The following ODF2 variants were observed in gnomAD, a reference collection of about 807,000 sequenced individuals.
ODF2 encodes the protein outer dense fiber of sperm tails 2.
In ODF2, 47 loss-of-function variants were observed where a neutral mutation model predicts 110.2. The observed-to-expected ratio is 0.43, with a 90% CI of 0.34 to 0.54. ODF2 has a LOEUF of 0.54. Among genes scored for constraint, ODF2 ranks in the 20% least tolerant of loss-of-function variants. ODF2 has a pLI of 0.03. For missense variants in ODF2, 812 were observed against 1,054.5 expected (o/e 0.77, Z 3.19); for synonymous variants, 352 against 397.7 (o/e 0.89, Z 1.37).
At chr9:128,498,427 C>A in exon 19 of ODF2, 1 of 1,597,746 alleles carries the variant, frequency 6.3e-7, no homozygotes, top group Non-Finnish European at 8.5e-7. Context: ...CTGGAGGCGA[C>A]CAGTGCCCAG....
intron 5 of ODF2, among the ~76,000 whole-genome samples, chr9:128,470,970 T>C (rs1200594198): frequency 6.6e-6 from 1 of 151,352 alleles, no homozygotes; most frequent in East Asian, 2.0e-4. Flanking sequence ...TGGAGTGCAG[T>C]GGGCACGATC....
At chr9:128,484,813 T>C in exon 12 of ODF2, 7 of 1,613,758 alleles carry the variant, frequency 4.3e-6, no homozygotes, top group Non-Finnish European at 5.9e-6. Context: ...AAGAAGGCCA[T>C]CCGAGCCCAG....
intron 18 of ODF2, among the ~76,000 whole-genome samples, chr9:128,496,583 C>G (rs889784846): frequency 4.6e-5 from 7 of 152,246 alleles, no homozygotes; most frequent in African/African-American, 7.2e-5. Flanking sequence ...GTGAAGGGTA[C>G]GGCTTTGGGA....
intron 14 of ODF2, among the ~76,000 whole-genome samples, chr9:128,491,823 A>G (rs1844628726): frequency 6.6e-6 from 1 of 151,440 alleles, no homozygotes; most frequent in African/African-American, 2.4e-5. Context: ...TATCCAAGTC[A>G]TTAAGCATTA....
At chr9:128,483,676 G>A (rs1453158765) in intron 10 of ODF2, among the ~76,000 whole-genome samples, 3 of 151,848 alleles carry the variant, frequency 2.0e-5, no homozygotes, top group Non-Finnish European at 4.4e-5. Context: ...CTTGAGGTCA[G>A]GAGATCGAGA....
At chr9:128,460,629 T>TA (rs765660295) in intron 3 of ODF2, 5 of 1,613,954 alleles carry the variant, frequency 3.1e-6, no homozygotes, top group South Asian at 1.1e-5. Context: ...CACGTCCACA[T>TA]AAAAAAACTC....
At chr9:128,497,444 AAAATATATATATATAT>A (rs1845792975) in intron 18 of ODF2, 1 of 72,264 alleles carries the variant, frequency 1.4e-5, no homozygotes, top group Non-Finnish European at 2.2e-5. Context: ...AAAAAAAAAA[AAAATATATATATATAT>A]ATATATATAT....
intron 9 of ODF2, among the ~76,000 whole-genome samples, chr9:128,482,508 A>G (rs141768462): frequency 8.5e-4 from 130 of 152,290 alleles, no homozygotes; most frequent in African/African-American, 2.8e-3. Flanking sequence ...TATGAGTTTC[A>G]ATGTGCATTA....
rs368964836 is a variant in ODF2 at position 128,459,672 on chromosome 9, C to T, written c.123+15C>T. On this transcript the variant is annotated intron_variant, in intron 3 of 20. Coordinates refer to ENST00000604420, the Ensembl canonical transcript of ODF2. ...TAACTGTGACGGTAGGTGATGCACT[C>T]ACGTAGCAGCCCTCTTTGGTCACCT... The T allele has an allele frequency of 1.0e-5, 16 of 1,593,274 alleles. No homozygotes were observed. The African/African-American group carries it at 1.9e-4, about 19-fold the overall frequency.
At chr9:128,491,508 A>T (rs111794726) in intron 14 of ODF2, among the ~76,000 whole-genome samples, 3,706 of 151,870 alleles carry the variant, frequency 0.024, 154 homozygotes, top group African/African-American at 0.084. Context: ...AAATATAAAA[A>T]ATTAGCCGGA....
chr9:128,461,011 G>A, exon 4 of ODF2: 2 of 1,614,188 alleles, frequency 1.2e-6, no homozygotes, highest in South Asian at 1.1e-5. Flanking sequence ...GAAAACCAAG[G>A]TACCTTGGAT....
chr9:128,496,527 A>T (rs1165131964), intron 18 of ODF2, among the ~76,000 whole-genome samples: 1 of 152,162 alleles, frequency 6.6e-6, no homozygotes, highest in Non-Finnish European at 1.5e-5. Context: ...GACCTTTCTG[A>T]TCTGACCGTT....
intron 18 of ODF2, chr9:128,496,349 C>T: frequency 7.0e-7 from 1 of 1,424,198 alleles, no homozygotes; most frequent in Non-Finnish European, 9.3e-7. Context: ...GGAGACACTC[C>T]ATGACAGCAT....
chr9:128,491,933 C>A (rs562227298), intron 14 of ODF2, among the ~76,000 whole-genome samples: 70 of 145,450 alleles, frequency 4.8e-4, no homozygotes, highest in Non-Finnish European at 9.0e-4. Context: ...GGGGCACGAT[C>A]TCACCTTACT....
At chr9:128,460,914 G>A (rs758103640) in intron 3 of ODF2, 28 bp from the exon 4 acceptor site, 1 of 1,614,112 alleles carries the variant, frequency 6.2e-7, no homozygotes, top group Non-Finnish European at 8.5e-7. Context: ...GGGTGTGGAA[G>A]TGACCCTGGG....
At chr9:128,496,977 C>T (rs192515484) in intron 18 of ODF2, among the ~76,000 whole-genome samples, 92 of 152,194 alleles carry the variant, frequency 6.0e-4, no homozygotes, top group Admixed American at 4.0e-3. Flanking sequence ...ATCCACCCAC[C>T]TAGGCCTCCT....
upstream of ODF2, chr9:128,456,086 T>C (rs984354783): frequency 5.2e-6 from 8 of 1,539,388 alleles, no homozygotes; most frequent in African/African-American, 2.8e-5. Context: ...GGGTTTGAAC[T>C]GGCCAATGGG....
intron 4 of ODF2, 85 bp from the exon 5 acceptor site, chr9:128,469,098 A>C: frequency 4.5e-6 from 6 of 1,344,902 alleles, no homozygotes; most frequent in Non-Finnish European, 6.2e-6. Context: ...TTTCCCGTCT[A>C]ATCAGTAAAT....
chr9:128,464,376 G>A (rs1837308258), intron 4 of ODF2, among the ~76,000 whole-genome samples: 2 of 151,534 alleles, frequency 1.3e-5, no homozygotes, highest in South Asian at 2.1e-4. Context: ...GGCTGGTCTC[G>A]AACTCTTGAC....
Sources: gnomAD v4.1 joint callset for allele counts (sites outside exome capture counted in the v4.1 genomes callset) on GRCh38, gnomAD v4.1.1 for gene constraint, MANE v1.5 for transcripts, NCBI Gene and HGNC (gene_info 2026-07-23, HGNC 2026-07-21) for gene names.